USP15: variants seen among roughly 807,000 people sequenced by gnomAD.
USP15 encodes the protein ubiquitin specific peptidase 15, also known as ubiquitin carboxyl-terminal hydrolase 15.
In USP15, 18 loss-of-function variants were observed where a neutral mutation model predicts 127.1. The observed-to-expected ratio is 0.14, with a 90% CI of 0.10 to 0.21. The LOEUF (loss-of-function observed/expected upper bound fraction) is 0.21, where lower values mean the gene tolerates loss of function less well. Ranked by LOEUF, USP15 falls within the 10% of genes least tolerant of loss-of-function variation. The probability of loss-of-function intolerance (pLI) is 1.00; values close to 1 mark genes in which losing one functional copy is unlikely to be tolerated. For missense variants in USP15, 805 were observed against 1,159.9 expected, an observed-to-expected ratio of 0.69 and a Z score of 4.44; for synonymous variants, 364 against 393.7, an observed-to-expected ratio of 0.92 and a Z score of 0.89.
chr12:62,262,023 GA>G (rs1466170808), intron 1 of USP15, among the ~76,000 whole-genome samples: 1 of 152,094 alleles, frequency 6.6e-6, no homozygotes, highest in African/African-American at 2.4e-5. Flanking sequence ...AGGATCACTT[GA>G]ACTCAGGAGT....
In USP15 at chr12:62,415,672, A is replaced by T. The variant is rs1018276471; in HGVS notation, c.*11297A>T. 3.3e-5 allele frequency: 5 copies of T among 152,230 alleles called. No individual in the cohort carries two copies. The highest frequency in any genetic ancestry group is 5.9e-5 in the Non-Finnish European group (4 of 68,050). The allele number at this position is 152,230 out of a possible 1,614,324, so 9.4% of individuals were successfully genotyped here. The stretch of plus-strand genomic sequence containing the variant: ...TGATTAGAAGGGAACAATGTGACTT[A>T]AAACTGCATATTTGCTTAGCAAACC... On this transcript the variant is annotated 3_prime_UTR_variant, in exon 22 of 22. Coordinates refer to ENST00000280377, the MANE Select transcript of USP15 (RefSeq NM_001252078.2).
intron 8 of USP15, among the ~76,000 whole-genome samples, chr12:62,360,521 C>T (rs954526759): frequency 6.6e-6 from 1 of 151,864 alleles, no homozygotes; most frequent in Non-Finnish European, 1.5e-5. Context: ...ATTTCTGAAG[C>T]TGTTATTTCT....
At chr12:62,294,456 G>GT in intron 2 of USP15, 150 bp downstream of exon 2, 1 of 791,516 alleles carries the variant, frequency 1.3e-6, no homozygotes, top group South Asian at 2.4e-5. Context: ...ATTCTAATAA[G>GT]TTATTAAAAA....
At chr12:62,389,049 C>T (rs754174117) in intron 11 of USP15, among the ~76,000 whole-genome samples, 4 of 148,740 alleles carry the variant, frequency 2.7e-5, no homozygotes, top group Non-Finnish European at 4.5e-5. Context: ...GGCTTGAGCC[C>T]GGGAGGTTGA....
At chr12:62,299,460 G>A (rs1476930629) in intron 2 of USP15, among the ~76,000 whole-genome samples, 1 of 152,108 alleles carries the variant, frequency 6.6e-6, no homozygotes, top group African/African-American at 2.4e-5. Flanking sequence ...ACAGCACAAT[G>A]TTTTCATGTT....
At chr12:62,326,509 A>G (rs1319237332) in intron 6 of USP15, among the ~76,000 whole-genome samples, 1 of 151,734 alleles carries the variant, frequency 6.6e-6, no homozygotes, top group Non-Finnish European at 1.5e-5. Context: ...AATATGGTAC[A>G]TGTCCCTCCA....
At chr12:62,327,835 C>G (rs1382830789) in intron 6 of USP15, 1 of 263,610 alleles carries the variant, frequency 3.8e-6, no homozygotes, top group Non-Finnish European at 7.5e-6. Flanking sequence ...TTCACTGGAT[C>G]TACTAGTTGA....
chr12:62,414,638 T>A lies in USP15; in HGVS notation c.*10263T>A, dbSNP rs1180332064. On this transcript the variant is annotated 3_prime_UTR_variant, in exon 22 of 22. Transcript: ENST00000280377. ...AGGCATGAACCACAGCACCTGGCCA[T>A]GTATTTTCATTTAACCAGTACTAAA... The A allele has an allele frequency of 6.6e-6, 1 of 152,176 alleles. No individual in the cohort carries two copies. Among genetic ancestry groups the A allele is most frequent in the African/African-American group, 2.4e-5 (1 of 41,422 alleles). The allele number at this position is 152,176 out of a possible 1,614,324, so 9.4% of individuals were successfully genotyped here. A position where few individuals can be genotyped will look rare whatever the true frequency, so the allele number is the denominator to read the frequency against.
At chr12:62,319,742 A>T (rs916579337) in intron 4 of USP15, among the ~76,000 whole-genome samples, 2 of 152,228 alleles carry the variant, frequency 1.3e-5, no homozygotes, top group Admixed American at 6.5e-5. Context: ...CATGTTATGT[A>T]CACAGATGCC....
chr12:62,380,089 C>A (rs890478972), intron 8 of USP15, among the ~76,000 whole-genome samples: 1 of 152,024 alleles, frequency 6.6e-6, no homozygotes, highest in Non-Finnish European at 1.5e-5. Context: ...CTATATAGCT[C>A]ACTCCAAACA....
chr12:62,336,839 T>C (rs918370152), intron 6 of USP15: 8 of 152,288 alleles, frequency 5.3e-5, no homozygotes, highest in African/African-American at 1.9e-4. Flanking sequence ...AGATACATAG[T>C]TGAAAAGGAG....
chr12:62,308,021 A>G (rs549573654), intron 3 of USP15, among the ~76,000 whole-genome samples: 1 of 152,268 alleles, frequency 6.6e-6, no homozygotes, highest in Admixed American at 6.5e-5. Context: ...GTGCGTAATT[A>G]ATAAATTAAA....
At chr12:62,328,510 T>C (rs759451628) in intron 6 of USP15, 1 of 211,626 alleles carries the variant, frequency 4.7e-6, no homozygotes, top group Non-Finnish European at 1.0e-5. Flanking sequence ...AAAAATTAAC[T>C]TAATTAAAAA....
chr12:62,389,245 A>G (rs2067249052), intron 11 of USP15, among the ~76,000 whole-genome samples, 186 bp from the exon 12 acceptor site: 1 of 152,234 alleles, frequency 6.6e-6, no homozygotes, highest in South Asian at 2.1e-4. Context: ...GAGCCAAGGA[A>G]TGATAAAACT....
intron 3 of USP15, among the ~76,000 whole-genome samples, chr12:62,305,120 G>A (rs548930930): frequency 6.6e-6 from 1 of 152,206 alleles, no homozygotes; most frequent in South Asian, 2.1e-4. Flanking sequence ...GAATCTTGGA[G>A]AGGAAAGAAA....
At chr12:62,392,244 T>G in intron 17 of USP15, 28 bp from the exon 18 acceptor site, 1 of 1,459,814 alleles carries the variant, frequency 6.9e-7, no homozygotes, top group Non-Finnish European at 9.4e-7. Context: ...TCATTTGTTC[T>G]CTTAACTCAA....
chr12:62,269,334 G>A (rs185248380), intron 1 of USP15, among the ~76,000 whole-genome samples: 1 of 151,812 alleles, frequency 6.6e-6, no homozygotes, highest in Admixed American at 6.6e-5. Context: ...ATATATATAT[G>A]TGTGTGTGTA....
intron 6 of USP15, among the ~76,000 whole-genome samples, chr12:62,343,412 G>A (rs557679575): frequency 6.6e-6 from 1 of 152,180 alleles, no homozygotes; most frequent in Admixed American, 6.5e-5. Flanking sequence ...CTTTCCAGGG[G>A]AGCGAATGGT....
At chr12:62,392,433 TA>T in intron 18 of USP15, 46 bp downstream of exon 18, 1 of 1,353,862 alleles carries the variant, frequency 7.4e-7, no homozygotes, top group East Asian at 2.3e-5. Flanking sequence ...TTTAAGGATT[TA>T]TTCTGAGATA....
Sources: gnomAD v4.1 joint callset for allele counts (sites outside exome capture counted in the v4.1 genomes callset) on GRCh38, gnomAD v4.1.1 for gene constraint, MANE v1.5 for transcripts, NCBI Gene and HGNC (gene_info 2026-07-23, HGNC 2026-07-21) for gene names.